The following BAG3 variants were observed in gnomAD, a reference collection of about 807,000 sequenced individuals.
BAG3 encodes the protein BAG cochaperone 3, also known as BAG family molecular chaperone regulator 3.
In BAG3, 14 loss-of-function variants were observed where a neutral mutation model predicts 40.5. The ratio of observed to expected loss-of-function variants is 0.35; its 90% confidence interval spans 0.23 to 0.54. The LOEUF is 0.54. Ranked by LOEUF, BAG3 falls within the 20% of genes least tolerant of loss-of-function variation. The pLI is 0.91. For missense variants in BAG3, 788 were observed against 758.6 expected (o/e 1.04, Z -0.46); for synonymous variants, 302 against 307.8 (o/e 0.98, Z 0.20).
chr10:119,660,374 T>C (rs1000225409), intron 1 of BAG3, among the ~76,000 whole-genome samples: 6 of 152,322 alleles, frequency 3.9e-5, no homozygotes, highest in African/African-American at 2.4e-5. Flanking sequence ...GTGGGTCGTT[T>C]AGGGCTCAGG....
chr10:119,673,065 A>G (rs196330), intron 3 of BAG3, among the ~76,000 whole-genome samples: 82,864 of 151,854 alleles, frequency 0.55, 23,565 homozygotes, highest in Non-Finnish European at 0.64. Context: ...TCCACTCTGC[A>G]GGCCCATTCT....
At chr10:119,675,911 T>TTTCCCCCCTCCCCCCCTCCCTC (rs1564776238) in intron 3 of BAG3, among the ~76,000 whole-genome samples, 1 of 6,276 alleles carries the variant, frequency 1.6e-4, no homozygotes, top group Non-Finnish European at 2.4e-4. Flanking sequence ...CCCCCTTCCT[T>TTTCCCCCCTCCCCCCCTCCCTC]CCTTCCTTCC....
chr10:119,662,312 G>T (rs578249686), intron 1 of BAG3, among the ~76,000 whole-genome samples: 13 of 143,232 alleles, frequency 9.1e-5, no homozygotes, highest in African/African-American at 3.4e-4. Flanking sequence ...CAAGTGATCC[G>T]CCCGCCTCGG....
At chr10:119,670,908 G>T (rs1847140570) in intron 2 of BAG3, among the ~76,000 whole-genome samples, 1 of 152,170 alleles carries the variant, frequency 6.6e-6, no homozygotes, top group Non-Finnish European at 1.5e-5. Context: ...TGTGGTGTGT[G>T]CCAGCGTTGT....
At chr10:119,670,685 CCA>C (rs759623081) in intron 2 of BAG3, among the ~76,000 whole-genome samples, 4 of 152,152 alleles carry the variant, frequency 2.6e-5, no homozygotes, top group African/African-American at 4.8e-5. Context: ...TCACCGTGCA[CCA>C]CAGTTTCAAA....
In BAG3 at chr10:119,672,167, AG is replaced by A; in HGVS notation, c.508-86del. On this transcript the variant is annotated intron_variant, in intron 2 of 3. Transcript: ENST00000369085. This position sits in a 1 kb window ranked among gnomAD's most constrained non-coding sequence, Gnocchi z 4.8. ...AGGTCTTACAATATGGATTGCCCTG[AG>A]GAGGTGCACAGCAGAAGGCGTGGTC... The A allele has an allele frequency of 2.6e-6, 4 of 1,533,922 alleles. No homozygotes were observed. Among genetic ancestry groups the A allele is most frequent in the Non-Finnish European group, 3.6e-6 (4 of 1,118,576 alleles).
intron 1 of BAG3, among the ~76,000 whole-genome samples, chr10:119,667,000 A>G (rs1443258309): frequency 6.6e-6 from 1 of 152,046 alleles, no homozygotes; most frequent in Admixed American, 6.6e-5. Flanking sequence ...TTTTTGAGAC[A>G]AAGTCTTGCT....
intron 1 of BAG3, among the ~76,000 whole-genome samples, chr10:119,656,360 A>G (rs1258345717): frequency 2.7e-5 from 4 of 149,826 alleles, no homozygotes; most frequent in East Asian, 2.0e-4. Context: ...GCCTCAGAGC[A>G]TAGACTCAGC....
intron 1 of BAG3, among the ~76,000 whole-genome samples, chr10:119,656,378 C>T (rs1055959756): frequency 1.2e-3 from 147 of 126,864 alleles, no homozygotes; most frequent in Admixed American, 9.1e-3. Flanking sequence ...AGCTGGCCTT[C>T]TTTTTTTTTT....
rs928320768 is a variant in BAG3 at position 119,672,190 on chromosome 10, G to A, written c.508-65G>A. 5 of 1,599,604 alleles carry A rather than the reference G, an allele frequency of 3.1e-6. No homozygotes were observed. Among genetic ancestry groups the A allele is most frequent in the Non-Finnish European group, 4.3e-6 (5 of 1,174,870 alleles). The stretch of plus-strand genomic sequence containing the variant: ...TGAGGAGGTGCACAGCAGAAGGCGT[G>A]GTCAGGATGCCAAGCCAGGGGAGTC... On this transcript the variant is annotated intron_variant, in intron 2 of 3. Transcript: ENST00000369085. This position sits in a 1 kb window ranked among gnomAD's most constrained non-coding sequence, Gnocchi z 4.8.
At position 119,676,974 on chromosome 10, in the gene BAG3, G is replaced by A. The variant is rs2134069318; in HGVS notation, c.1420G>A (p.Ala474Thr). 2.5e-6 allele frequency: 4 copies of A among 1,614,194 alleles called. No individual in the cohort carries two copies. Among genetic ancestry groups the A allele is most frequent in the Non-Finnish European group, 3.4e-6 (4 of 1,180,030 alleles). The stretch of plus-strand genomic sequence containing the variant: ...GGATTCAGTGGACCCCGAGGGACGA[G>A]CCGATGTGCGTCAGGCCAGGAGAGA... ...ALDSVDPEGR[A>T]DVRQARRDGV... Residue 474 changes from alanine to threonine, a missense_variant, in exon 4 of 4, where the codon GCC becomes ACC. Transcript: ENST00000369085.
intron 1 of BAG3, among the ~76,000 whole-genome samples, chr10:119,665,126 GTATA>G (rs71016598): frequency 7.7e-5 from 3 of 39,098 alleles, no homozygotes; most frequent in Non-Finnish European, 1.2e-4. Flanking sequence ...GTGTGTGTGT[GTATA>G]TATATATATA....
chr10:119,670,213 G>A (rs763738355), intron 2 of BAG3, 36 bp downstream of exon 2: 4 of 1,563,782 alleles, frequency 2.6e-6, no homozygotes, highest in East Asian at 2.3e-5. Flanking sequence ...CTGCTGGGGA[G>A]CAAGCCGCTG....
chr10:119,666,627 T>C lies in BAG3; in HGVS notation c.181-3224T>C, dbSNP rs1402781665. On this transcript the variant is annotated intron_variant, in intron 1 of 3. Coordinates refer to ENST00000369085, the MANE Select transcript of BAG3 (RefSeq NM_004281.4). ...ATGCATGAGGTGCTCAGCTCGTGGC[T>C]GGCTCAAGGGCTTTCTGGATCCAGG... Among the ~76,000 whole-genome samples the C allele has an allele frequency of 8.4e-5, 3 of 35,560 alleles. No individual in the cohort carries two copies. In the East Asian group the frequency reaches 1.4e-3, roughly 16 times the overall value. 23.3% of individuals were successfully genotyped at this position (35,560 alleles called of 152,430 possible). A position where few individuals can be genotyped will look rare whatever the true frequency, so the allele number is the denominator to read the frequency against.
At chr10:119,660,643 C>T (rs771004360) in intron 1 of BAG3, among the ~76,000 whole-genome samples, 3 of 151,726 alleles carry the variant, frequency 2.0e-5, no homozygotes, top group South Asian at 2.1e-4. Flanking sequence ...CCCGGGAGTT[C>T]GAGAGCAGCC....
At position 119,670,056 on chromosome 10, in the gene BAG3, C is replaced by T. The variant is rs876657747; in HGVS notation, c.386C>T (p.Ala129Val). 25 of 1,614,106 alleles carry T rather than the reference C, an allele frequency of 1.5e-5. No individual in the cohort carries two copies. The highest frequency in any genetic ancestry group is 5.0e-5 in the Admixed American group (3 of 60,014). Residue 129 changes from alanine (A) to valine (V), a missense_variant, in exon 2 of 4, where the codon GCG becomes GTG. Transcript: ENST00000369085. ...CGATTCCGAACTGAGGCGGCAGCAG[C>T]GGCTCCTCAGAGGTCCCAGTCACCT... ...MQRFRTEAAA[A>V]APQRSQSPLR...
Position 119,651,421 on chromosome 10 carries a change from C to T in BAG3, c.-255C>T, listed in dbSNP as rs1589619631. The T allele has an allele frequency of 2.5e-6, 1 of 392,418 alleles. No individual in the cohort carries two copies. Among genetic ancestry groups the T allele is most frequent in the Non-Finnish European group, 4.5e-6 (1 of 223,722 alleles). 24.3% of individuals were successfully genotyped at this position (392,418 alleles called of 1,614,324 possible). ...CGCGGCCAACTTCTCTGGACTGGAC[C>T]AGAAGTTTCTAGCCGGCCAGTTGCT... On this transcript the variant is annotated 5_prime_UTR_variant, in exon 1 of 4. Coordinates refer to ENST00000369085, the MANE Select transcript of BAG3 (RefSeq NM_004281.4).
intron 1 of BAG3, among the ~76,000 whole-genome samples, chr10:119,654,980 T>C (rs1312016886): frequency 2.0e-5 from 3 of 152,180 alleles, no homozygotes; most frequent in Admixed American, 1.3e-4. Context: ...CCCAACCCCA[T>C]GTTCAAATCT....
Position 119,677,575 on chromosome 10 carries a change from T to A in BAG3, c.*293T>A, listed in dbSNP as rs1419541328. 2.0e-6 allele frequency: 1 copy of A among 491,494 alleles called. No individual in the cohort carries two copies. Among genetic ancestry groups the A allele is most frequent in the Non-Finnish European group, 3.7e-6 (1 of 271,542 alleles). The allele number at this position is 491,494 out of a possible 1,614,324, so 30.4% of individuals were successfully genotyped here. On this transcript the variant is annotated 3_prime_UTR_variant, in exon 4 of 4. Transcript: ENST00000369085. ...ACCCCCACCACCTGTTAGCTGTGGT[T>A]GTGCACTGTCTTTTGTAGCTCTGGA...
Sources: gnomAD v4.1 joint callset for allele counts (sites outside exome capture counted in the v4.1 genomes callset) on GRCh38, gnomAD v4.1.1 for gene constraint, Gnocchi (gnomAD v3.1) non-coding constraint, MANE v1.5 for transcripts, NCBI Gene and HGNC (gene_info 2026-07-23, HGNC 2026-07-21) for gene names.